Variants in CSMD1 observed in about 807,000 individuals in gnomAD.
CSMD1 encodes CUB and Sushi multiple domains 1.
Under a neutral mutation model 417.5 loss-of-function variants are expected in CSMD1, and 213 were observed. That is an observed-to-expected ratio of 0.51 (90% CI 0.46 to 0.57). CSMD1 has a LOEUF of 0.57. Ranked by LOEUF, CSMD1 falls within the 20% of genes least tolerant of loss-of-function variation. CSMD1 has a pLI of 0.00. For missense variants in CSMD1, 6,923 were observed against 4,529.7 expected (o/e 1.53, Z -15.17); for synonymous variants, 2,862 against 1,736.8 (o/e 1.65, Z -16.11).
intron 1 of CSMD1, among the ~76,000 whole-genome samples, chr8:4,639,619 G>A (rs912213161): frequency 6.6e-6 from 1 of 152,144 alleles, no homozygotes; most frequent in Non-Finnish European, 1.5e-5. Flanking sequence ...AGGGACCTGG[G>A]TGTACTCAGA....
At chr8:4,478,446 T>C (rs555278018) in intron 2 of CSMD1, among the ~76,000 whole-genome samples, 21 of 152,292 alleles carry the variant, frequency 1.4e-4, no homozygotes, top group African/African-American at 5.1e-4. Flanking sequence ...CAAATGCCTT[T>C]AGATAAAAAT....
chr8:4,326,398 C>T (rs76621828), intron 3 of CSMD1, among the ~76,000 whole-genome samples: 1 of 151,924 alleles, frequency 6.6e-6, no homozygotes, highest in Non-Finnish European at 1.5e-5. Context: ...AGATTTTCAG[C>T]GCAGATAAAA....
intron 33 of CSMD1, among the ~76,000 whole-genome samples, chr8:3,192,119 A>G (rs1324462078): frequency 1.3e-5 from 2 of 152,206 alleles, no homozygotes; most frequent in African/African-American, 2.4e-5. Flanking sequence ...CGATGTTTCA[A>G]TTTGGTGTTG....
At chr8:4,596,561 AAT>A (rs1321138985) in intron 2 of CSMD1, among the ~76,000 whole-genome samples, 4 of 152,248 alleles carry the variant, frequency 2.6e-5, no homozygotes, top group African/African-American at 7.2e-5. Flanking sequence ...CTAAAAAAAA[AAT>A]AATTAATAAT....
At chr8:4,833,122 A>T (rs1346946444) in intron 1 of CSMD1, among the ~76,000 whole-genome samples, 2 of 152,202 alleles carry the variant, frequency 1.3e-5, no homozygotes, top group Non-Finnish European at 2.9e-5. Flanking sequence ...TTTATTCGTC[A>T]TTCTGAGAGT....
chr8:4,407,343 C>G (rs1307493702), intron 3 of CSMD1, among the ~76,000 whole-genome samples: 2 of 152,252 alleles, frequency 1.3e-5, no homozygotes, highest in South Asian at 2.1e-4. Flanking sequence ...TATACAATAA[C>G]TTTTTTAAAA....
chr8:4,159,240 C>A lies in CSMD1; in HGVS notation c.416-127141G>T, dbSNP rs545505801. Among the ~76,000 whole-genome samples the A allele has an allele frequency of 2.5e-4, 38 of 152,130 alleles. 1 individual carries two copies. The highest frequency in any genetic ancestry group is 4.3e-4 in the Non-Finnish European group (29 of 68,002). On this transcript the variant is annotated intron_variant, in intron 3 of 69. Coordinates refer to ENST00000635120, the MANE Select transcript of CSMD1 (RefSeq NM_033225.6). ...CCGTAATTCTTTATTGATAGATAAC[C>A]GTGAAATGTTTTACTCATTGGGGTA... is the stretch of plus-strand genomic sequence containing the variant.
At chr8:4,431,589 A>C (rs1014670211) in intron 2 of CSMD1, among the ~76,000 whole-genome samples, 1 of 152,156 alleles carries the variant, frequency 6.6e-6, no homozygotes, top group African/African-American at 2.4e-5. Context: ...CTCTGAGGCT[A>C]CCTCTTTGTG....
chr8:4,897,678 C>T (rs1307110104), intron 1 of CSMD1, among the ~76,000 whole-genome samples: 1 of 152,060 alleles, frequency 6.6e-6, no homozygotes, highest in Admixed American at 6.5e-5. Context: ...TAAGCCAGCA[C>T]AACTTTTTTT....
chr8:2,987,088 A>G (rs1805980886), intron 54 of CSMD1, among the ~76,000 whole-genome samples: 1 of 152,054 alleles, frequency 6.6e-6, no homozygotes, highest in African/African-American at 2.4e-5. Context: ...GGTCTCTCCG[A>G]CTATATTATT....
chr8:4,059,049 T>C (rs1358016244), intron 3 of CSMD1, among the ~76,000 whole-genome samples: 1 of 151,844 alleles, frequency 6.6e-6, no homozygotes, highest in African/African-American at 2.4e-5. Flanking sequence ...GAAGTAAAGC[T>C]CTCCTCAGCA....
chr8:3,529,809 T>G (rs572923498), intron 10 of CSMD1, among the ~76,000 whole-genome samples: 3 of 152,258 alleles, frequency 2.0e-5, no homozygotes, highest in Admixed American at 2.0e-4. Flanking sequence ...CTCCTGGAAT[T>G]TTCCCACTCT....
chr8:3,071,563 A>C (rs1474957200), intron 49 of CSMD1, among the ~76,000 whole-genome samples: 3 of 152,198 alleles, frequency 2.0e-5, no homozygotes, highest in Non-Finnish European at 4.4e-5. Context: ...TTAAAAATAG[A>C]AACTCAAGCC....
At chr8:4,980,897 G>C (rs1014942557) in intron 1 of CSMD1, among the ~76,000 whole-genome samples, 2 of 149,076 alleles carry the variant, frequency 1.3e-5, no homozygotes, top group South Asian at 4.2e-4. Flanking sequence ...AAGTGAGACT[G>C]TCTCGAAAAA....
chr8:4,817,238 G>T (rs531796100), intron 1 of CSMD1, among the ~76,000 whole-genome samples: 1 of 152,152 alleles, frequency 6.6e-6, no homozygotes, highest in African/African-American at 2.4e-5. Flanking sequence ...TTTGCAGTTA[G>T]TGAAAAAATA....
chr8:3,229,893 A>T (rs983318193), intron 27 of CSMD1, 147 bp downstream of exon 27: 1 of 566,944 alleles, frequency 1.8e-6, no homozygotes, highest in African/African-American at 1.9e-5. Flanking sequence ...GGTTTACAAT[A>T]AAATTTCAGG....
chr8:3,055,325 A>C (rs1186175283), intron 49 of CSMD1, among the ~76,000 whole-genome samples: 1 of 152,150 alleles, frequency 6.6e-6, no homozygotes, highest in Non-Finnish European at 1.5e-5. Flanking sequence ...AACAACCGGG[A>C]ATCTTTTTAT....
At chr8:4,600,945 C>A (rs1020390681) in intron 2 of CSMD1, among the ~76,000 whole-genome samples, 1 of 144,990 alleles carries the variant, frequency 6.9e-6, no homozygotes, top group African/African-American at 2.5e-5. Flanking sequence ...AAAAATTTCC[C>A]TCTTAATTAG....
At chr8:4,059,387 A>G (rs1223734742) in intron 3 of CSMD1, among the ~76,000 whole-genome samples, 2 of 152,194 alleles carry the variant, frequency 1.3e-5, no homozygotes, top group Non-Finnish European at 2.9e-5. Flanking sequence ...AAAGAACTAG[A>G]AAAGCAAGAG....
Sources: gnomAD v4.1 joint callset for allele counts (sites outside exome capture counted in the v4.1 genomes callset) on GRCh38, gnomAD v4.1.1 for gene constraint, MANE v1.5 for transcripts, NCBI Gene and HGNC (gene_info 2026-07-23, HGNC 2026-07-21) for gene names.